The following FARS2 variants were observed in gnomAD, a reference collection of about 807,000 sequenced individuals.
FARS2 encodes phenylalanyl-tRNA synthetase 2, mitochondrial, also known as phenylalanine--tRNA ligase, mitochondrial.
A neutral mutation model predicts 46.4 loss-of-function variants in FARS2; 40 were observed. The ratio of observed to expected loss-of-function variants is 0.86; its 90% CI spans 0.67 to 1.12. The LOEUF (loss-of-function observed/expected upper bound fraction) is 1.12. Ranked by LOEUF, FARS2 falls within the 50% of genes most tolerant of loss-of-function variation. FARS2 has a pLI of 0.00. For synonymous variants in FARS2, 234 were observed against 214.9 expected (o/e 1.09, Z -0.78); for missense variants, 513 against 567.9 (o/e 0.90, Z 0.98).
chr6:5,365,317 CTTTT>C (rs61097603), intron 1 of FARS2, among the ~76,000 whole-genome samples: 681 of 42,336 alleles, frequency 0.016, 4 homozygotes, highest in African/African-American at 0.065. Context: ...AGTATACTTT[CTTTT>C]TTTTTTTTTT....
intron 4 of FARS2, among the ~76,000 whole-genome samples, chr6:5,526,172 T>C (rs1769453945): frequency 6.6e-6 from 1 of 152,166 alleles, no homozygotes; most frequent in Non-Finnish European, 1.5e-5. Context: ...CTCTCAGCGC[T>C]CAAGTGGAAG....
At chr6:5,741,708 T>A (rs555535877) in intron 6 of FARS2, among the ~76,000 whole-genome samples, 4 of 152,356 alleles carry the variant, frequency 2.6e-5, no homozygotes, top group African/African-American at 9.6e-5. Context: ...TGGAGTGCAG[T>A]GGCACGATCT....
At chr6:5,689,305 A>G (rs1385990940) in intron 6 of FARS2, among the ~76,000 whole-genome samples, 3 of 152,116 alleles carry the variant, frequency 2.0e-5, no homozygotes, top group East Asian at 3.9e-4. Context: ...TGTCAATTTT[A>G]GATCTTTCCT....
intron 2 of FARS2, among the ~76,000 whole-genome samples, chr6:5,395,915 A>G (rs1273603668): frequency 6.6e-6 from 1 of 152,242 alleles, no homozygotes; most frequent in African/African-American, 2.4e-5. Context: ...CAATCTGACC[A>G]CCTAGTGGTG....
intron 4 of FARS2, among the ~76,000 whole-genome samples, chr6:5,468,842 T>A (rs1765656110): frequency 6.6e-6 from 1 of 152,200 alleles, no homozygotes; most frequent in Non-Finnish European, 1.5e-5. Flanking sequence ...TACAGGGTAA[T>A]GTATGGGAGA....
chr6:5,431,883 G>A (rs1441903262), intron 4 of FARS2: 2 of 248,430 alleles, frequency 8.1e-6, no homozygotes, highest in Admixed American at 9.3e-5. Context: ...TCTGAATTGA[G>A]TAATTTTTAA....
intron 4 of FARS2, among the ~76,000 whole-genome samples, chr6:5,510,503 C>T (rs947808865): frequency 3.3e-5 from 5 of 152,228 alleles, no homozygotes; most frequent in Admixed American, 2.6e-4. Flanking sequence ...AGTCTTTAAG[C>T]TCCTGAATGC....
At chr6:5,760,975 A>G (rs562977558) in intron 6 of FARS2, among the ~76,000 whole-genome samples, 7 of 152,264 alleles carry the variant, frequency 4.6e-5, no homozygotes, top group African/African-American at 1.4e-4. Context: ...AGAGGTCCCT[A>G]TTGGGCCATT....
At chr6:5,283,777 G>A (rs948600770) in intron 1 of FARS2, among the ~76,000 whole-genome samples, 2 of 150,942 alleles carry the variant, frequency 1.3e-5, no homozygotes, top group Admixed American at 6.6e-5. Flanking sequence ...TGTATCAAAT[G>A]TATCAATACA....
intron 6 of FARS2, among the ~76,000 whole-genome samples, chr6:5,732,311 C>G (rs1760681001): frequency 6.6e-6 from 1 of 152,108 alleles, no homozygotes; most frequent in Non-Finnish European, 1.5e-5. Flanking sequence ...TCTAGCCCTC[C>G]ATGGAGGGCA....
intron 6 of FARS2, among the ~76,000 whole-genome samples, chr6:5,677,543 A>G (rs939157861): frequency 3.9e-5 from 6 of 152,226 alleles, no homozygotes; most frequent in Non-Finnish European, 8.8e-5. Flanking sequence ...CCTGTGTGGG[A>G]GCCAGTGCCA....
intron 1 of FARS2, among the ~76,000 whole-genome samples, chr6:5,274,009 C>CT (rs1283897802): frequency 6.6e-6 from 1 of 152,106 alleles, no homozygotes; most frequent in Non-Finnish European, 1.5e-5. Flanking sequence ...ATCTCTTACT[C>CT]TACCTAATTT....
chr6:5,694,263 A>T (rs1286458055), intron 6 of FARS2, among the ~76,000 whole-genome samples: 1 of 152,242 alleles, frequency 6.6e-6, no homozygotes. Context: ...AGCAGTCTTG[A>T]TGCTAAGTTA....
chr6:5,546,502 G>A (rs1490823710), intron 5 of FARS2, among the ~76,000 whole-genome samples: 6 of 151,052 alleles, frequency 4.0e-5, no homozygotes, highest in Admixed American at 1.3e-4. Flanking sequence ...CGCCCGCCTT[G>A]GCCTCCCGAA....
At chr6:5,539,093 C>T (rs982720611) in intron 4 of FARS2, among the ~76,000 whole-genome samples, 1 of 152,040 alleles carries the variant, frequency 6.6e-6, no homozygotes, top group Non-Finnish European at 1.5e-5. Context: ...TACTGACAGC[C>T]ACATGGGACT....
intron 1 of FARS2, among the ~76,000 whole-genome samples, chr6:5,283,133 G>C (rs548899417): frequency 6.6e-6 from 1 of 152,202 alleles, no homozygotes. Flanking sequence ...AGCATTTTGG[G>C]AGGCTGAGAC....
At chr6:5,293,256 G>A (rs1767626718) in intron 1 of FARS2, among the ~76,000 whole-genome samples, 1 of 152,204 alleles carries the variant, frequency 6.6e-6, no homozygotes, top group African/African-American at 2.4e-5. Context: ...TAGCTATGAA[G>A]GGAGGTTTGT....
chr6:5,381,219 A>G (rs7749372), intron 2 of FARS2, among the ~76,000 whole-genome samples: 65,905 of 151,418 alleles, frequency 0.44, 14,711 homozygotes, highest in South Asian at 0.56. Context: ...GGATGGTCTC[A>G]ATCTCCTGAC....
rs797129 is a variant in FARS2, at chr6:5,331,771, C to T, written c.-21-36779C>T. Among the ~76,000 whole-genome samples, 283 of 152,288 alleles carry T rather than the reference C, an allele frequency of 1.9e-3. 2 individuals are homozygous for T. The highest frequency in any genetic ancestry group is 6.6e-3 in the African/African-American group (274 of 41,558). On this transcript the variant is annotated intron_variant, in intron 1 of 6. Coordinates refer to ENST00000274680, the MANE Select transcript of FARS2 (RefSeq NM_006567.5). The stretch of plus-strand genomic sequence containing the variant: ...CAAAGTGAATTTCAGAGAGCATCAG[C>T]TGCTGCTTGGGGCCTGGGGTCACAC...
Sources: gnomAD v4.1 joint callset for allele counts (sites outside exome capture counted in the v4.1 genomes callset) on GRCh38, gnomAD v4.1.1 for gene constraint, MANE v1.5 for transcripts, NCBI Gene and HGNC (gene_info 2026-07-23, HGNC 2026-07-21) for gene names.